Variants in MSI2 observed in about 807,000 individuals in gnomAD.
MSI2 encodes the protein musashi RNA binding protein 2, also known as RNA-binding protein Musashi homolog 2.
MSI2 carries 17 observed loss-of-function variants against 45.6 expected under a neutral mutation model. The observed-to-expected ratio is 0.37, with a 90% CI of 0.26 to 0.56. The LOEUF is 0.56. MSI2 is among the 20% of genes least tolerant of loss of function. The pLI is 0.77. For synonymous variants in MSI2, 156 were observed against 158.2 expected (o/e 0.99, Z 0.11); for missense variants, 293 against 444.2 (o/e 0.66, Z 3.06).
At chr17:57,279,726 C>T (rs1273807376) in intron 5 of MSI2, 1 of 152,128 alleles carries the variant, frequency 6.6e-6, no homozygotes. Context: ...CTCACTGCAG[C>T]CTTGAATTCC....
chr17:57,414,169 C>T (rs1170840679), intron 6 of MSI2, among the ~76,000 whole-genome samples: 2 of 152,192 alleles, frequency 1.3e-5, no homozygotes, highest in Non-Finnish European at 2.9e-5. Flanking sequence ...GGAATCTTGG[C>T]TTATCAAGAA....
intron 5 of MSI2, among the ~76,000 whole-genome samples, chr17:57,320,243 T>C (rs559543692): frequency 6.6e-6 from 1 of 152,352 alleles, no homozygotes; most frequent in African/African-American, 2.4e-5. Flanking sequence ...AGTGTCTCTC[T>C]TGAGAGGACT....
intron 6 of MSI2, among the ~76,000 whole-genome samples, chr17:57,409,728 CACA>C (rs2084152192): frequency 2.0e-5 from 3 of 151,938 alleles, no homozygotes; most frequent in Non-Finnish European, 4.4e-5. Context: ...GAGTGTGGGG[CACA>C]GGCACAGTGG....
intron 6 of MSI2, among the ~76,000 whole-genome samples, chr17:57,460,056 G>C (rs552431233): frequency 7.9e-5 from 12 of 151,690 alleles, no homozygotes; most frequent in African/African-American, 1.5e-4. Context: ...CTGAACCCGG[G>C]GGGTGGAGGT....
At chr17:57,262,661 C>A (rs528286187) in intron 5 of MSI2, among the ~76,000 whole-genome samples, 199 of 152,254 alleles carry the variant, frequency 1.3e-3, no homozygotes, top group African/African-American at 4.6e-3. Flanking sequence ...TCTGGGAGGG[C>A]AAGCAGTGGA....
At chr17:57,554,376 G>A (rs1375252632) in intron 7 of MSI2, among the ~76,000 whole-genome samples, 2 of 152,112 alleles carry the variant, frequency 1.3e-5, no homozygotes, top group Admixed American at 1.3e-4. Flanking sequence ...TCAAGTAGAA[G>A]GAACAGCTGA....
At chr17:57,541,151 TAGAGAGAGAG>T (rs55999583) in intron 7 of MSI2, among the ~76,000 whole-genome samples, 77 of 149,010 alleles carry the variant, frequency 5.2e-4, no homozygotes, top group African/African-American at 1.4e-3. Context: ...TACATTTTGG[TAGAGAGAGAG>T]AGAGAGAGAG....
chr17:57,487,984 C>T (rs937871865), intron 6 of MSI2, among the ~76,000 whole-genome samples: 1 of 152,018 alleles, frequency 6.6e-6, no homozygotes, highest in African/African-American at 2.4e-5. Context: ...TGGTGAGTTC[C>T]TCCCAGTGCC....
At chr17:57,394,325 C>T (rs2083850205) in intron 5 of MSI2, among the ~76,000 whole-genome samples, 1 of 152,170 alleles carries the variant, frequency 6.6e-6, no homozygotes, top group Admixed American at 6.5e-5. Flanking sequence ...GGATGCTTAA[C>T]ATTTCTGAGT....
chr17:57,679,067 T>G (rs1013817942), intron 13 of MSI2, among the ~76,000 whole-genome samples: 20 of 152,264 alleles, frequency 1.3e-4, no homozygotes, highest in African/African-American at 4.6e-4. Context: ...GATATGATCT[T>G]TTAGTGTAAG....
intron 9 of MSI2, among the ~76,000 whole-genome samples, chr17:57,616,834 C>T (rs1204321133): frequency 1.3e-5 from 2 of 151,966 alleles, no homozygotes; most frequent in Middle Eastern, 3.2e-3. Context: ...TGGTGTAGGT[C>T]GCAACAATAA....
chr17:57,651,106 G>C (rs576637336), intron 10 of MSI2, among the ~76,000 whole-genome samples: 3 of 152,174 alleles, frequency 2.0e-5, no homozygotes, highest in Admixed American at 2.0e-4. Context: ...GTCCCAGCAC[G>C]AGGCTGTGCG....
intron 6 of MSI2, among the ~76,000 whole-genome samples, chr17:57,457,780 A>G (rs1263277460): frequency 6.6e-6 from 1 of 152,190 alleles, no homozygotes; most frequent in Non-Finnish European, 1.5e-5. Context: ...ATGGTACTGT[A>G]TGCCGGTAGT....
chr17:57,690,074 A>G, the MSI2 span, among the ~76,000 whole-genome samples: 1 of 151,682 alleles, frequency 6.6e-6, no homozygotes, highest in African/African-American at 2.4e-5. Flanking sequence ...AGTGACTGCA[A>G]TATTTTGCAT....
At chr17:57,649,426 T>TAC (rs145466877) in intron 10 of MSI2, among the ~76,000 whole-genome samples, 19 of 146,850 alleles carry the variant, frequency 1.3e-4, no homozygotes, top group South Asian at 2.2e-4. Context: ...ACACATTCAA[T>TAC]ACACACACAC....
intron 6 of MSI2, among the ~76,000 whole-genome samples, chr17:57,502,636 T>TATATATATATATATATAGAGAG: frequency 1.4e-4 from 14 of 96,930 alleles, no homozygotes; most frequent in Non-Finnish European, 2.6e-4. Context: ...TATATATATA[T>TATATATATATATATATAGAGAG]AGTCATCATT....
intron 5 of MSI2, among the ~76,000 whole-genome samples, chr17:57,315,260 C>T (rs551754676): frequency 1.4e-4 from 22 of 152,212 alleles, no homozygotes; most frequent in Admixed American, 1.1e-3. Flanking sequence ...TCCTGGTGTC[C>T]TTTGCCTGGG....
At chr17:57,316,055 T>C (rs1171345682) in intron 5 of MSI2, among the ~76,000 whole-genome samples, 1 of 149,452 alleles carries the variant, frequency 6.7e-6, no homozygotes, top group Non-Finnish European at 1.5e-5. Context: ...AGAATAGAGG[T>C]GTTCTTCAGA....
intron 7 of MSI2, among the ~76,000 whole-genome samples, chr17:57,585,826 C>T (rs1029210823): frequency 3.9e-5 from 6 of 152,258 alleles, no homozygotes; most frequent in Non-Finnish European, 8.8e-5. Flanking sequence ...AAAGCCGCCC[C>T]GGGCTCTGTG....
Sources: allele counts gnomAD v4.1 joint callset (sites outside exome capture counted in the v4.1 genomes callset), GRCh38; gene constraint gnomAD v4.1.1; transcripts MANE v1.5; gene names NCBI Gene and HGNC (gene_info 2026-07-23, HGNC 2026-07-21).